Variants in FSTL5 observed in about 807,000 individuals in gnomAD.
FSTL5 encodes follistatin-related protein 5.
Under a neutral mutation model 89.1 loss-of-function variants are expected in FSTL5, and 62 were observed. The ratio of observed to expected loss-of-function variants is 0.70; its 90% CI spans 0.57 to 0.86. The LOEUF (loss-of-function observed/expected upper bound fraction) is 0.86. Among genes scored for constraint, FSTL5 ranks in the 40% least tolerant of loss-of-function variants. The pLI, the probability that FSTL5 is intolerant of heterozygous loss-of-function variation, is 0.00. For synonymous variants in FSTL5, 383 were observed against 346.2 expected, an observed-to-expected ratio of 1.11 and a Z score of -1.18; for missense variants, 1,057 against 1,001.6, an observed-to-expected ratio of 1.06 and a Z score of -0.75.
chr4:161,825,377 T>G (rs1030620053), intron 4 of FSTL5, among the ~76,000 whole-genome samples: 2 of 152,106 alleles, frequency 1.3e-5, no homozygotes, highest in Non-Finnish European at 2.9e-5. Flanking sequence ...CCTTTCCTGG[T>G]TTTGGTATTA....
chr4:162,015,368 C>T (rs1197680302), intron 3 of FSTL5, among the ~76,000 whole-genome samples: 2 of 152,184 alleles, frequency 1.3e-5, no homozygotes, highest in African/African-American at 2.4e-5. Context: ...ACTCAAATCA[C>T]AGCTTAGCTC....
At chr4:162,039,532 G>A (rs1234658936) in intron 2 of FSTL5, among the ~76,000 whole-genome samples, 1 of 151,802 alleles carries the variant, frequency 6.6e-6, no homozygotes, top group Non-Finnish European at 1.5e-5. Flanking sequence ...TGCAAACACA[G>A]CATTTCCTTT....
At chr4:161,817,471 T>C (rs1463167934) in intron 4 of FSTL5, among the ~76,000 whole-genome samples, 5 of 152,176 alleles carry the variant, frequency 3.3e-5, no homozygotes, top group Non-Finnish European at 7.4e-5. Context: ...AAAGTTAAAA[T>C]GTGTTGTTCA....
intron 12 of FSTL5, among the ~76,000 whole-genome samples, chr4:161,494,780 G>T (rs1730006764): frequency 6.6e-6 from 1 of 152,098 alleles, no homozygotes; most frequent in South Asian, 2.1e-4. Context: ...CCAGGAATAG[G>T]CTGGCTGAGG....
intron 4 of FSTL5, among the ~76,000 whole-genome samples, chr4:161,786,886 T>A (rs2126815976): frequency 6.6e-6 from 1 of 152,274 alleles, no homozygotes; most frequent in East Asian, 1.9e-4. Flanking sequence ...ATGCCAACAT[T>A]AATTTCTCAG....
intron 6 of FSTL5, among the ~76,000 whole-genome samples, chr4:161,686,285 G>T (rs1240870300): frequency 8.2e-6 from 1 of 122,058 alleles, no homozygotes; most frequent in Non-Finnish European, 1.6e-5. Flanking sequence ...TTTAGGAGGG[G>T]TTCCCTCTTT....
intron 7 of FSTL5, among the ~76,000 whole-genome samples, chr4:161,644,004 A>AAG (rs1213827784): frequency 2.0e-5 from 3 of 152,204 alleles, no homozygotes; most frequent in Admixed American, 2.0e-4. Flanking sequence ...TGAATTGGTA[A>AAG]AGGTCCTTTG....
chr4:161,459,457 T>G, intron 13 of FSTL5, 138 bp from the exon 14 acceptor site: 1 of 538,036 alleles, frequency 1.9e-6, no homozygotes, highest in East Asian at 2.9e-5. Flanking sequence ...TTAGCCCTTA[T>G]TTGATATTTG....
In FSTL5 at chr4:162,040,951, T is replaced by C. The variant is rs372791919; in HGVS notation, c.127-7293A>G. 2.0e-4 allele frequency among the ~76,000 whole-genome samples: 31 copies of C among 152,242 alleles called. No individual in the cohort carries two copies. The South Asian group carries it at 4.3e-3, about 21-fold the overall frequency. On this transcript the variant is annotated intron_variant, in intron 2 of 15. Coordinates refer to ENST00000306100, the MANE Select transcript of FSTL5 (RefSeq NM_020116.5). Reference sequence around the variant, plus strand: ...GCAGTCTCAACTGACATATCCTTAATGTCTTAGCCCCTGCAAGAGTGGACA... The same window carrying C: ...GCAGTCTCAACTGACATATCCTTAACGTCTTAGCCCCTGCAAGAGTGGACA...
At chr4:161,599,034 T>C (rs1195182199) in intron 7 of FSTL5, among the ~76,000 whole-genome samples, 1 of 152,026 alleles carries the variant, frequency 6.6e-6, no homozygotes, top group Non-Finnish European at 1.5e-5. Context: ...TAAAAATACA[T>C]TATCAAAACA....
chr4:161,901,434 G>A (rs1478438469), intron 4 of FSTL5, among the ~76,000 whole-genome samples: 2 of 152,108 alleles, frequency 1.3e-5, no homozygotes, highest in East Asian at 1.9e-4. Context: ...AGCAGAGAGG[G>A]GGAGTGATAA....
At chr4:161,748,486 T>C (rs948014616) in intron 6 of FSTL5, among the ~76,000 whole-genome samples, 2 of 152,132 alleles carry the variant, frequency 1.3e-5, no homozygotes, top group African/African-American at 4.8e-5. Context: ...TAGAGCTATT[T>C]GTAAAACTTC....
intron 8 of FSTL5, among the ~76,000 whole-genome samples, chr4:161,548,716 C>T (rs542824238): frequency 6.6e-6 from 1 of 151,730 alleles, no homozygotes; most frequent in East Asian, 2.0e-4. Context: ...TCTACAAGTG[C>T]CAGGCATTCC....
chr4:161,730,912 T>C (rs1739584582), intron 6 of FSTL5, among the ~76,000 whole-genome samples: 1 of 152,214 alleles, frequency 6.6e-6, no homozygotes, highest in African/African-American at 2.4e-5. Flanking sequence ...TGAGAATTAA[T>C]TGGGATATAT....
intron 15 of FSTL5, among the ~76,000 whole-genome samples, chr4:161,415,925 C>T (rs1731765627): frequency 6.6e-6 from 1 of 151,210 alleles, no homozygotes; most frequent in African/African-American, 2.4e-5. Flanking sequence ...TGATGATAGC[C>T]TGCGCAGATC....
At chr4:161,524,057 G>A (rs903960018) in intron 10 of FSTL5, among the ~76,000 whole-genome samples, 1 of 151,954 alleles carries the variant, frequency 6.6e-6, no homozygotes, top group Non-Finnish European at 1.5e-5. Flanking sequence ...ATACCTCTCT[G>A]GCATTAATGT....
chr4:162,101,719 C>G (rs1187153262), intron 2 of FSTL5, among the ~76,000 whole-genome samples: 1 of 152,138 alleles, frequency 6.6e-6, no homozygotes, highest in Non-Finnish European at 1.5e-5. Flanking sequence ...GGCTTGTATA[C>G]TGTAGGGTTT....
chr4:161,849,785 G>T (rs145163207), intron 4 of FSTL5, among the ~76,000 whole-genome samples: 43 of 152,184 alleles, frequency 2.8e-4, no homozygotes, highest in African/African-American at 1.0e-3. Flanking sequence ...TAGCGATACT[G>T]TCAATCTACT....
At chr4:161,496,307 T>C (rs938561660) in intron 12 of FSTL5, among the ~76,000 whole-genome samples, 1 of 152,154 alleles carries the variant, frequency 6.6e-6, no homozygotes. Context: ...ATGGTTGATT[T>C]ATATGTCAGC....
Sources: allele counts gnomAD v4.1 joint callset (sites outside exome capture counted in the v4.1 genomes callset), GRCh38; gene constraint gnomAD v4.1.1; transcripts MANE v1.5; gene names NCBI Gene and HGNC (gene_info 2026-07-23, HGNC 2026-07-21).